TRPC1: variants seen among roughly 807,000 people sequenced by gnomAD.
TRPC1 encodes short transient receptor potential channel 1.
A neutral mutation model predicts 88.2 loss-of-function variants in TRPC1; 42 were observed. That is an observed-to-expected ratio of 0.48 (90% CI 0.37 to 0.62). The LOEUF (loss-of-function observed/expected upper bound fraction) is 0.62. TRPC1 is among the 20% of genes least tolerant of loss of function. TRPC1 has a pLI of 0.00. For missense variants in TRPC1, 699 were observed against 957.3 expected (o/e 0.73, Z 3.56); for synonymous variants, 288 against 331.8 (o/e 0.87, Z 1.43).
intron 7 of TRPC1, among the ~76,000 whole-genome samples, chr3:142,788,311 T>C (rs968323153): frequency 6.6e-5 from 10 of 151,286 alleles, no homozygotes; most frequent in African/African-American, 2.5e-4. Context: ...CTTAGGGTGA[T>C]TGTGATAGAG....
intron 2 of TRPC1, among the ~76,000 whole-genome samples, chr3:142,738,263 T>C (rs1934214857): frequency 6.6e-6 from 1 of 152,214 alleles, no homozygotes; most frequent in African/African-American, 2.4e-5. Context: ...GTTCACTGTG[T>C]TCTGTCCAGG....
intron 8 of TRPC1, among the ~76,000 whole-genome samples, chr3:142,791,804 CTAA>C (rs1936303496): frequency 1.3e-5 from 2 of 151,754 alleles, no homozygotes; most frequent in Non-Finnish European, 2.9e-5. Flanking sequence ...TATTATTTTT[CTAA>C]TAACTATATA....
chr3:142,804,372 A>G (rs1298515520), intron 11 of TRPC1, 64 bp from the exon 12 acceptor site: 15 of 1,422,624 alleles, frequency 1.1e-5, no homozygotes, highest in Non-Finnish European at 1.4e-5. Flanking sequence ...AGGTGTGGAA[A>G]CATCCCCCAT....
At position 142,805,520 on chromosome 3, in the gene TRPC1, CTT is replaced by C. The variant is rs554321248; in HGVS notation, c.2155-485_2155-484del. ...AGAGAGAAAACAAATTTTCACAAAA[CTT>C]TTATTGATAAAAGTCAAAATATAAC... On this transcript the variant is annotated intron_variant, in intron 12 of 12. Transcript: ENST00000476941. Among the ~76,000 whole-genome samples, 160 of 152,238 alleles carry C rather than the reference CTT, an allele frequency of 1.1e-3. 4 individuals carry two copies. The East Asian group carries it at 0.03, about 28-fold the overall frequency.
intron 1 of TRPC1, among the ~76,000 whole-genome samples, chr3:142,727,349 A>G (rs541490444): frequency 6.6e-6 from 1 of 152,294 alleles, no homozygotes; most frequent in African/African-American, 2.4e-5. Flanking sequence ...AAAATTGAGG[A>G]ATTCCTAAAG....
At chr3:142,749,685 A>G (rs1178295395) in intron 4 of TRPC1, among the ~76,000 whole-genome samples, 1 of 152,234 alleles carries the variant, frequency 6.6e-6, no homozygotes, top group East Asian at 1.9e-4. Flanking sequence ...CTACAAGGCT[A>G]CAATAACCAA....
In TRPC1 at chr3:142,802,278, C is replaced by A. The variant is rs557560974; in HGVS notation, c.1691C>A (p.Thr564Asn). ...ACACAACTGTATGATAAAGGATATA[C>A]TTCAAAGGAGCAGAAGGACTGTGTA... Reference protein sequence around the residue: ...GLTQLYDKGYTSKEQKDCVGI... With the variant: ...GLTQLYDKGYNSKEQKDCVGI... Residue 564 changes from threonine (T) to asparagine (N), a missense_variant, in exon 10 of 13, where the codon ACT (threonine) becomes AAT (asparagine). By Grantham distance (65) the Thr-to-Asn change is moderately conservative. Coordinates refer to ENST00000476941, the MANE Select transcript of TRPC1 (RefSeq NM_001251845.2). The A allele has an allele frequency of 8.8e-6, 14 of 1,598,274 alleles. No homozygotes were observed. Among genetic ancestry groups the A allele is most frequent in the Non-Finnish European group, 1.1e-5 (13 of 1,173,542 alleles).
chr3:142,779,652 T>TTC (rs1298416217), intron 5 of TRPC1, among the ~76,000 whole-genome samples: 2 of 152,154 alleles, frequency 1.3e-5, no homozygotes, highest in African/African-American at 4.8e-5. Context: ...AGTTATGATT[T>TTC]TTATATAGCC....
chr3:142,753,207 G>T (rs1462779955), intron 4 of TRPC1, among the ~76,000 whole-genome samples: 1 of 152,162 alleles, frequency 6.6e-6, no homozygotes, highest in East Asian at 1.9e-4. Flanking sequence ...AAACTTGTTT[G>T]AAGGCTTTTA....
At chr3:142,740,310 G>A (rs1460221269) in intron 2 of TRPC1, among the ~76,000 whole-genome samples, 4 of 152,230 alleles carry the variant, frequency 2.6e-5, no homozygotes, top group African/African-American at 4.8e-5. Context: ...AAGTTCAGAA[G>A]CTAAGTAAAG....
chr3:142,757,982 T>C (rs1560102388), intron 4 of TRPC1, among the ~76,000 whole-genome samples: 2 of 152,146 alleles, frequency 1.3e-5, no homozygotes, highest in African/African-American at 2.4e-5. Context: ...TTATACTCTT[T>C]TATAATGTAC....
chr3:142,796,720 A>G (rs1204972422), intron 9 of TRPC1, among the ~76,000 whole-genome samples: 1 of 152,148 alleles, frequency 6.6e-6, no homozygotes, highest in East Asian at 1.9e-4. Context: ...GAGCACCACA[A>G]AGTTAAGTGT....
Position 142,806,290 on chromosome 3 carries a change from A to T in TRPC1, c.*55A>T. The T allele has an allele frequency of 7.4e-7, 1 of 1,349,080 alleles. No homozygotes were observed. Among genetic ancestry groups the T allele is most frequent in the Non-Finnish European group, 1.0e-6 (1 of 973,648 alleles). 83.6% of individuals were successfully genotyped at this position (1,349,080 alleles called of 1,614,324 possible). On this transcript the variant is annotated 3_prime_UTR_variant, in exon 13 of 13. Coordinates refer to ENST00000476941, the MANE Select transcript of TRPC1 (RefSeq NM_001251845.2). ...TTCAATAACAGATCCAAAAGACTAT[A>T]TTGCATAACTTGCAATGAAATTAAT... is the stretch of plus-strand genomic sequence containing the variant.
intron 4 of TRPC1, 36 bp from the exon 5 acceptor site, chr3:142,777,596 G>T: frequency 1.3e-6 from 2 of 1,490,170 alleles, no homozygotes; most frequent in Non-Finnish European, 1.8e-6. Context: ...ATGTGTATAA[G>T]TTTATTTTAC....
chr3:142,770,444 AGGTATTCCTCTT>A (rs1389820330), intron 4 of TRPC1, among the ~76,000 whole-genome samples: 1 of 152,142 alleles, frequency 6.6e-6, no homozygotes, highest in Non-Finnish European at 1.5e-5. Context: ...TATTCTTAGA[AGGTATTCCTCTT>A]TAGTAACTTT....
intron 6 of TRPC1, among the ~76,000 whole-genome samples, chr3:142,784,462 G>T (rs1229783676): frequency 6.6e-6 from 1 of 152,064 alleles, no homozygotes; most frequent in Non-Finnish European, 1.5e-5. Flanking sequence ...TTAAAAACTT[G>T]TTAAAGGTCA....
In TRPC1 at chr3:142,806,277, T is replaced by G. The variant is rs892222056; in HGVS notation, c.*42T>G. On this transcript the variant is annotated 3_prime_UTR_variant, in exon 13 of 13. Coordinates refer to ENST00000476941, the MANE Select transcript of TRPC1 (RefSeq NM_001251845.2). The stretch of plus-strand genomic sequence containing the variant: ...GGAGCGAATAATTTTCAATAACAGA[T>G]CCAAAAGACTATATTGCATAACTTG... 6 of 1,473,934 alleles carry G rather than the reference T, an allele frequency of 4.1e-6. No homozygotes were observed. Among genetic ancestry groups the G allele is most frequent in the Admixed American group, 3.7e-5 (2 of 53,850 alleles). 91.3% of individuals were successfully genotyped at this position (1,473,934 alleles called of 1,614,324 possible). A position where few individuals can be genotyped will look rare whatever the true frequency, so the allele number is the denominator to read the frequency against.
At chr3:142,780,771 T>C (rs1358886291) in intron 5 of TRPC1, 63 bp from the exon 6 acceptor site, 5 of 1,443,832 alleles carry the variant, frequency 3.5e-6, no homozygotes, top group Non-Finnish European at 3.7e-6. Flanking sequence ...ACGTTTTTAG[T>C]GAATATAGCT....
At chr3:142,755,402 G>A (rs1934926388) in intron 4 of TRPC1, among the ~76,000 whole-genome samples, 1 of 152,162 alleles carries the variant, frequency 6.6e-6, no homozygotes, top group African/African-American at 2.4e-5. Flanking sequence ...TCCAGCCTGG[G>A]TGACAAGAGC....
Sources: gnomAD v4.1 joint callset for allele counts (sites outside exome capture counted in the v4.1 genomes callset) on GRCh38, gnomAD v4.1.1 for gene constraint, MANE v1.5 for transcripts, NCBI Gene and HGNC (gene_info 2026-07-23, HGNC 2026-07-21) for gene names.